SEC14L2: variants seen among roughly 807,000 people sequenced by gnomAD.
SEC14L2 encodes the protein SEC14-like protein 2.
Under a neutral mutation model 56.9 loss-of-function variants are expected in SEC14L2, and 50 were observed. The ratio of observed to expected loss-of-function variants is 0.88; its 90% CI spans 0.70 to 1.11. SEC14L2 has a LOEUF of 1.11. Among genes scored for constraint, SEC14L2 ranks in the 50% most tolerant of loss-of-function variants. SEC14L2 has a pLI of 0.00. For missense variants in SEC14L2, 414 were observed against 500.7 expected, an observed-to-expected ratio of 0.83 and a Z score of 1.65; for synonymous variants, 179 against 188.5, an observed-to-expected ratio of 0.95 and a Z score of 0.41.
chr22:30,407,353 C>T, intron 4 of SEC14L2, 62 bp from the exon 5 acceptor site: 1 of 1,574,048 alleles, frequency 6.4e-7, no homozygotes. Context: ...GAGTAAGGCC[C>T]TGTGGTCCAG....
chr22:30,419,201 C>T (rs1024902171), intron 11 of SEC14L2, among the ~76,000 whole-genome samples: 1 of 152,198 alleles, frequency 6.6e-6, no homozygotes, highest in African/African-American at 2.4e-5. Flanking sequence ...GCCAATGACT[C>T]TCCCAGTGTT....
At chr22:30,417,014 T>C in intron 11 of SEC14L2, 2 of 261,170 alleles carry the variant, frequency 7.7e-6, no homozygotes, top group African/African-American at 2.3e-5. Context: ...AATACACAAA[T>C]ACTCAAAGAT....
Position 30,415,832 on chromosome 22 carries a change from T to C in SEC14L2, c.738T>C (p.Thr246=). ...CTGTGGAGTATGGGGGCACCATGAC[T>C]GACCCTGATGGAAACCCCAAGTGCA... ...QVPVEYGGTM[T]DPDGNPKCKS... Residue 246 remains threonine, a synonymous_variant, in exon 9 of 12, where the codon ACT becomes ACC. Coordinates refer to ENST00000615189, the MANE Select transcript of SEC14L2 (RefSeq NM_012429.5). The C allele has an allele frequency of 6.2e-7, 1 of 1,614,172 alleles. No homozygotes were observed. Among genetic ancestry groups the C allele is most frequent in the Non-Finnish European group, 8.5e-7 (1 of 1,180,028 alleles).
intron 11 of SEC14L2, among the ~76,000 whole-genome samples, chr22:30,422,001 C>T (rs1934531823): frequency 6.6e-6 from 1 of 152,218 alleles, no homozygotes; most frequent in African/African-American, 2.4e-5. Flanking sequence ...TGATTTCAGT[C>T]TACCAGGCCC....
Position 30,407,590 on chromosome 22 carries a change from A to G in SEC14L2, c.410A>G (p.His137Arg), listed in dbSNP as rs77995868. ...ECELLLQECAHQTTKLGRKVE... is the reference protein window; with the variant it reads ...ECELLLQECARQTTKLGRKVE... ...GAGCTGCTTCTGCAAGAGTGTGCCC[A>G]CCAGACCACAAAGGTGAGTGGACCA... Residue 137 changes from histidine to arginine, a missense_variant, in exon 5 of 12, where the codon CAC becomes CGC. By Grantham distance (29) the His-to-Arg change is conservative (BLOSUM62 0). Transcript: ENST00000615189. The G allele has an allele frequency of 2.7e-3, 4,334 of 1,613,802 alleles. 94 individuals carry two copies. The African/African-American group carries it at 0.05, about 19-fold the overall frequency.
At chr22:30,409,638 C>T (rs1469414798) in intron 7 of SEC14L2, 152 bp downstream of exon 7, 1 of 781,988 alleles carries the variant, frequency 1.3e-6, no homozygotes, top group Non-Finnish European at 2.1e-6. Flanking sequence ...TGGCTCACGC[C>T]TGTAACCCCA....
intron 11 of SEC14L2, 39 bp downstream of exon 11, chr22:30,416,442 G>T: frequency 6.2e-7 from 1 of 1,614,202 alleles, no homozygotes; most frequent in Non-Finnish European, 8.5e-7. Flanking sequence ...GAAGCCCCAT[G>T]TCCAGCTTTC....
Position 30,397,082 on chromosome 22 carries a change from C to T in SEC14L2, c.-35C>T, listed in dbSNP as rs1203953356. The stretch of plus-strand genomic sequence containing the variant: ...CATCAGCTGCCGCACCCGCCGCCTC[C>T]CGCCCCCAAACCCCATCCCCGCGGT... On this transcript the variant is annotated 5_prime_UTR_variant, in exon 1 of 12. Coordinates refer to ENST00000615189, the MANE Select transcript of SEC14L2 (RefSeq NM_012429.5). 3 of 1,544,350 alleles carry T rather than the reference C, an allele frequency of 1.9e-6. No homozygotes were observed. The highest frequency in any genetic ancestry group is 2.6e-6 in the Non-Finnish European group (3 of 1,142,752).
In SEC14L2 at chr22:30,423,861, A is replaced by G. The variant is rs2031118357; in HGVS notation, c.*1454A>G. 6.6e-6 allele frequency: 1 copy of G among 152,306 alleles called. No homozygotes were observed. Among genetic ancestry groups the G allele is most frequent in the Admixed American group, 6.5e-5 (1 of 15,288 alleles). 9.4% of individuals were successfully genotyped at this position (152,306 alleles called of 1,614,324 possible). Reference sequence around the variant, plus strand: ...GCGCAGGGAGTGAAATTCAATGCCCACCGCTAGGCTCCTCGCTGCCTCTCA... The same window carrying G: ...GCGCAGGGAGTGAAATTCAATGCCCGCCGCTAGGCTCCTCGCTGCCTCTCA... On this transcript the variant is annotated 3_prime_UTR_variant, in exon 12 of 12. Coordinates refer to ENST00000615189, the MANE Select transcript of SEC14L2 (RefSeq NM_012429.5).
chr22:30,424,772 G>C lies in SEC14L2; in HGVS notation c.*2365G>C. On this transcript the variant is annotated 3_prime_UTR_variant, in exon 12 of 12. Transcript: ENST00000615189. ...GCCGCTCAATTATACCCGCCAAGGA[G>C]TCACAGAGACTTAGTGAAGTGCACA... The C allele has an allele frequency of 2.2e-6, 1 of 456,710 alleles. No homozygotes were observed. Among genetic ancestry groups the C allele is most frequent in the Non-Finnish European group, 4.4e-6 (1 of 226,980 alleles). 28.3% of individuals were successfully genotyped at this position (456,710 alleles called of 1,614,324 possible).
intron 5 of SEC14L2, among the ~76,000 whole-genome samples, chr22:30,408,252 C>T (rs531678705): frequency 6.6e-6 from 1 of 152,014 alleles, no homozygotes; most frequent in Non-Finnish European, 1.5e-5. Flanking sequence ...ATTTGGGTAC[C>T]ACTGGTGCAA....
Position 30,422,497 on chromosome 22 carries a change from C to T in SEC14L2, c.*90C>T. On this transcript the variant is annotated 3_prime_UTR_variant, in exon 12 of 12. Coordinates refer to ENST00000615189, the MANE Select transcript of SEC14L2 (RefSeq NM_012429.5). ...AGTCATTTTCGCACAACCCTGAAGC[C>T]CAAAGAAACTGGGCTGGAGGACAGA... 2.0e-6 allele frequency: 3 copies of T among 1,527,122 alleles called. No homozygotes were observed. Among genetic ancestry groups the T allele is most frequent in the Non-Finnish European group, 1.8e-6 (2 of 1,127,006 alleles). 94.6% of individuals were successfully genotyped at this position (1,527,122 alleles called of 1,614,324 possible).
rs559499018 is a variant in SEC14L2, at chr22:30,401,517, A to T, written c.130+1799A>T. 3.0e-3 allele frequency among the ~76,000 whole-genome samples: 413 copies of T among 135,848 alleles called. 2 individuals carry two copies. The highest frequency in any genetic ancestry group is 3.8e-3 in the Non-Finnish European group (235 of 62,204). The allele number at this position is 135,848 out of a possible 152,430, so 89.1% of individuals were successfully genotyped here. A position where few individuals can be genotyped will look rare whatever the true frequency, so the allele number is the denominator to read the frequency against. On this transcript the variant is annotated intron_variant, in intron 2 of 11. Coordinates refer to ENST00000615189, the MANE Select transcript of SEC14L2 (RefSeq NM_012429.5). ...TTTATTTTATATTTTTATTTTTATT[A>T]TTTTTATTTTTTTTGAGACAGAGTC...
In SEC14L2 at chr22:30,422,837, A is replaced by G. The variant is rs993516337; in HGVS notation, c.*430A>G. 6.4e-6 allele frequency: 1 copy of G among 156,634 alleles called. No individual in the cohort carries two copies. Among genetic ancestry groups the G allele is most frequent in the Non-Finnish European group, 1.4e-5 (1 of 70,374 alleles). The allele number at this position is 156,634 out of a possible 1,614,324, so 9.7% of individuals were successfully genotyped here. On this transcript the variant is annotated 3_prime_UTR_variant, in exon 12 of 12. Transcript: ENST00000615189. Reference sequence around the variant, plus strand: ...ATAAGTTTAGATCGCAATGAGGAGTAGCAGGGTAGCTGGTTGCTAGAGTTA... The same window carrying G: ...ATAAGTTTAGATCGCAATGAGGAGTGGCAGGGTAGCTGGTTGCTAGAGTTA...
intron 2 of SEC14L2, among the ~76,000 whole-genome samples, chr22:30,401,851 C>T (rs1054719072): frequency 2.0e-5 from 3 of 152,074 alleles, no homozygotes; most frequent in Non-Finnish European, 2.9e-5. Context: ...CTCAGCCTCC[C>T]GAGTAGCTTG....
chr22:30,409,081 GCT>G, intron 5 of SEC14L2, 104 bp from the exon 6 acceptor site: 1 of 1,006,056 alleles, frequency 9.9e-7, no homozygotes, highest in Non-Finnish European at 1.6e-6. Flanking sequence ...GCCCTAACTA[GCT>G]CTGATTGCTC....
At position 30,416,216 on chromosome 22, in the gene SEC14L2, T is replaced by G; in HGVS notation, c.912-18T>G. ...CACACAGACAGAATTATGTCTCAATTGGTGATATCCCCTGCAGGTGGCAGT... is the reference window on the plus strand; with the variant it reads ...CACACAGACAGAATTATGTCTCAATGGGTGATATCCCCTGCAGGTGGCAGT... On this transcript the variant is annotated intron_variant, in intron 10 of 11. Transcript: ENST00000615189. The G allele has an allele frequency of 6.2e-7, 1 of 1,612,254 alleles. No individual in the cohort carries two copies. The highest frequency in any genetic ancestry group is 1.7e-4 in the Middle Eastern group (1 of 6,056).
chr22:30,404,273 CCAT>C (rs1354719872), intron 2 of SEC14L2, among the ~76,000 whole-genome samples: 2 of 152,148 alleles, frequency 1.3e-5, no homozygotes, highest in African/African-American at 4.8e-5. Flanking sequence ...TCCCATGCTG[CCAT>C]GGCAGCACAC....
At chr22:30,401,186 G>GATCT (rs1555995238) in intron 2 of SEC14L2, among the ~76,000 whole-genome samples, 1 of 146,326 alleles carries the variant, frequency 6.8e-6, no homozygotes, top group Admixed American at 6.9e-5. Flanking sequence ...GGTCTCAAGT[G>GATCT]ATTTATTTAT....
Sources: gnomAD v4.1 joint callset for allele counts (sites outside exome capture counted in the v4.1 genomes callset) on GRCh38, gnomAD v4.1.1 for gene constraint, MANE v1.5 for transcripts, NCBI Gene and HGNC (gene_info 2026-07-23, HGNC 2026-07-21) for gene names.